The following DPY19L2 variants were observed in gnomAD, a reference collection of about 807,000 sequenced individuals.
DPY19L2 encodes dpy-19 like 2, also known as probable C-mannosyltransferase DPY19L2.
In DPY19L2, 34 loss-of-function variants were observed where a neutral mutation model predicts 97.9. The ratio of observed to expected loss-of-function variants is 0.35; its 90% CI spans 0.26 to 0.46. DPY19L2 has a LOEUF of 0.46. Among genes scored for constraint, DPY19L2 ranks in the 20% least tolerant of loss-of-function variants. The pLI, the probability that DPY19L2 is intolerant of heterozygous loss-of-function variation, is 1.00. For missense variants in DPY19L2, 623 were observed against 911.4 expected (o/e 0.68, Z 4.07); for synonymous variants, 230 against 307.9 (o/e 0.75, Z 2.65).
chr12:63,666,524 C>G (rs1896357533), intron 1 of DPY19L2: 1 of 446,618 alleles, frequency 2.2e-6, no homozygotes, highest in Non-Finnish European at 4.5e-6. Flanking sequence ...CAAACGCAGC[C>G]TGTGCCCGTT....
rs1462065981 is a variant in DPY19L2, at chr12:63,560,355, T to C, written c.*157A>G. ...TGACATTCAATGAACAGAAAAGTAA[T>C]TTACCTTTTAGTAATCAGAAAAATT... is the stretch of plus-strand genomic sequence containing the variant. On this transcript the variant is annotated 3_prime_UTR_variant, in exon 22 of 22. Coordinates refer to ENST00000324472, the MANE Select transcript of DPY19L2 (RefSeq NM_173812.5). 1 of 880,422 alleles carries C rather than the reference T, an allele frequency of 1.1e-6. No homozygotes were observed. Among genetic ancestry groups the C allele is most frequent in the Non-Finnish European group, 1.6e-6 (1 of 613,280 alleles). 54.5% of individuals were successfully genotyped at this position (880,422 alleles called of 1,614,324 possible).
intron 21 of DPY19L2, among the ~76,000 whole-genome samples, chr12:63,565,295 C>T (rs1443010134): frequency 6.6e-6 from 1 of 152,070 alleles, no homozygotes; most frequent in African/African-American, 2.4e-5. Flanking sequence ...GTTTGGAGCT[C>T]GTAAGTCTAA....
rs371482861 is a variant in DPY19L2, at chr12:63,644,394, T to C, written c.803+9A>G. 181 of 1,601,888 alleles carry C rather than the reference T, an allele frequency of 1.1e-4. 2 individuals are homozygous for C. Among genetic ancestry groups the C allele is most frequent in the Non-Finnish European group, 1.4e-4 (170 of 1,176,508 alleles). On this transcript the variant is annotated intron_variant, in intron 6 of 21. Transcript: ENST00000324472. ...ACTGAAAGGTCTCTTAATTCAGTAGTAGTCTTACCTCAGGTATGCTCCATA... is the reference window on the plus strand; with the variant it reads ...ACTGAAAGGTCTCTTAATTCAGTAGCAGTCTTACCTCAGGTATGCTCCATA...
At chr12:63,598,503 A>C in intron 13 of DPY19L2, among the ~76,000 whole-genome samples, 1 of 152,116 alleles carries the variant, frequency 6.6e-6, no homozygotes, top group East Asian at 1.9e-4. Flanking sequence ...AACCAAACCC[A>C]ATGCAGAACT....
chr12:63,633,578 G>A (rs1042550744), intron 6 of DPY19L2, among the ~76,000 whole-genome samples: 17 of 152,152 alleles, frequency 1.1e-4, no homozygotes, highest in Admixed American at 1.1e-3. Flanking sequence ...GTGCTGGAGA[G>A]GATGTGGAGA....
chr12:63,620,400 T>C (rs1888497820), intron 9 of DPY19L2, among the ~76,000 whole-genome samples: 1 of 152,128 alleles, frequency 6.6e-6, no homozygotes, highest in Non-Finnish European at 1.5e-5. Flanking sequence ...GCATGCTGTG[T>C]AGCTTGGCAC....
At chr12:63,589,000 A>C (rs372694999) in intron 16 of DPY19L2, among the ~76,000 whole-genome samples, 1 of 151,802 alleles carries the variant, frequency 6.6e-6, no homozygotes, top group Non-Finnish European at 1.5e-5. Context: ...TGATCCGCCC[A>C]CCTTGGCCTC....
chr12:63,638,969 G>A (rs2138062377), intron 6 of DPY19L2, among the ~76,000 whole-genome samples: 1 of 152,238 alleles, frequency 6.6e-6, no homozygotes, highest in South Asian at 2.1e-4. Context: ...CAAGGCTACA[G>A]TAACCAAAAC....
intron 16 of DPY19L2, among the ~76,000 whole-genome samples, chr12:63,587,557 AATTATTATT>A (rs201195590): frequency 1.8e-4 from 24 of 136,228 alleles, no homozygotes; most frequent in East Asian, 1.3e-3. Context: ...CATTTTTAAA[AATTATTATT>A]ATTATTATTA....
In DPY19L2 at chr12:63,573,020, T is replaced by C. The variant is rs2942681; in HGVS notation, c.1901-2163A>G. Among the ~76,000 whole-genome samples the C allele has an allele frequency of 2.6e-5, 4 of 152,022 alleles. No individual in the cohort carries two copies. In the East Asian group the frequency reaches 7.8e-4, roughly 30 times the overall value. On this transcript the variant is annotated intron_variant, in intron 19 of 21. Coordinates refer to ENST00000324472, the MANE Select transcript of DPY19L2 (RefSeq NM_173812.5). ...GACTGCAAAAACTATAATAAATACC[T>C]AACTCTTCAATGCCCAGACACCGAC...
chr12:63,643,880 A>G lies in DPY19L2; in HGVS notation c.803+523T>C, dbSNP rs189119764. On this transcript the variant is annotated intron_variant, in intron 6 of 21. Transcript: ENST00000324472. ...AAAAACTAGCTGATATGGCTATCTC[A>G]GGGAGCAATTAAGTGTGGGGGCAAA... Among the ~76,000 whole-genome samples the G allele has an allele frequency of 2.4e-3, 362 of 152,266 alleles. 2 individuals are homozygous for G. The highest frequency in any genetic ancestry group is 8.4e-3 in the African/African-American group (350 of 41,562).
At position 63,668,132 on chromosome 12, in the gene DPY19L2, A is replaced by G. The variant is rs1374113196; in HGVS notation, c.262T>C (p.Ser88Pro). ...LLGPFQFVRNSLAQLREKVQE... is the reference protein window; with the variant it reads ...LLGPFQFVRNPLAQLREKVQE... ...ACCTTTTCCCGGAGCTGCGCCAGGG[A>G]ATTACGGACGAACTGGAAGGGGCCG... Residue 88 changes from serine (S) to proline (P), a missense_variant, in exon 1 of 22, where the codon TCC becomes CCC. Around this residue, in one of 6 missense-constraint regions of DPY19L2, gnomAD observed 144 missense variants for 119.4 expected, o/e 1.21. Transcript: ENST00000324472. 1 of 1,613,996 alleles carries G rather than the reference A, an allele frequency of 6.2e-7. No individual in the cohort carries two copies. The highest frequency in any genetic ancestry group is 1.7e-5 in the Admixed American group (1 of 60,012).
At chr12:63,573,755 C>T (rs1879317153) in intron 19 of DPY19L2, among the ~76,000 whole-genome samples, 1 of 152,168 alleles carries the variant, frequency 6.6e-6, no homozygotes, top group Admixed American at 6.5e-5. Context: ...CAGTGGAAAC[C>T]TTACAGGCCA....
rs1243932079 is a variant in DPY19L2 at position 63,663,767 on chromosome 12, G to A, written c.441C>T (p.Arg147=). The A allele has an allele frequency of 1.2e-6, 2 of 1,602,512 alleles. No homozygotes were observed. Among genetic ancestry groups the A allele is most frequent in the Admixed American group, 3.5e-5 (2 of 56,980 alleles). Residue 147 remains arginine (R), a synonymous_variant, in exon 3 of 22, where the codon CGC becomes CGT. Coordinates refer to ENST00000324472, the MANE Select transcript of DPY19L2 (RefSeq NM_173812.5). ...LSSLEREMTF[R]TEMGLYYSYF... ...GAAGAAGAAACCTAACCATTTCAGTGCGAAAAGTCATCTCCCGTTCCAAAG... is the reference window on the plus strand; with the variant it reads ...GAAGAAGAAACCTAACCATTTCAGTACGAAAAGTCATCTCCCGTTCCAAAG...
Position 63,631,330 on chromosome 12 carries a change from G to C in DPY19L2, c.804-4804C>G, listed in dbSNP as rs561232583. On this transcript the variant is annotated intron_variant, in intron 6 of 21. Coordinates refer to ENST00000324472, the MANE Select transcript of DPY19L2 (RefSeq NM_173812.5). The stretch of plus-strand genomic sequence containing the variant: ...ACTGATACACCGCTAGCAAGACAAA[G>C]AAGAAAAGAGAGAAGAATCAAATAG... Among the ~76,000 whole-genome samples, 6 of 151,756 alleles carry C rather than the reference G, an allele frequency of 4.0e-5. No individual in the cohort carries two copies. The South Asian group carries it at 1.0e-3, about 26-fold the overall frequency.
At chr12:63,622,159 T>G (rs548449607) in intron 8 of DPY19L2, among the ~76,000 whole-genome samples, 1 of 152,280 alleles carries the variant, frequency 6.6e-6, no homozygotes, top group South Asian at 2.1e-4. Flanking sequence ...TACTTTTGAC[T>G]AAGACACAGA....
intron 4 of DPY19L2, among the ~76,000 whole-genome samples, chr12:63,659,343 G>A (rs1264825098): frequency 6.6e-6 from 1 of 152,002 alleles, no homozygotes; most frequent in East Asian, 1.9e-4. Context: ...ACATTGCTGA[G>A]ACAAACTAAA....
intron 6 of DPY19L2, among the ~76,000 whole-genome samples, chr12:63,635,271 T>C (rs1891446650): frequency 1.3e-5 from 2 of 151,264 alleles, no homozygotes; most frequent in East Asian, 2.0e-4. Context: ...CACACCAAAA[T>C]CCCATCTATA....
intron 19 of DPY19L2, among the ~76,000 whole-genome samples, chr12:63,574,531 C>T (rs188360993): frequency 3.3e-5 from 5 of 151,814 alleles, no homozygotes. Flanking sequence ...AATAATAAAA[C>T]AAAACACTAA....
Sources: allele counts gnomAD v4.1 joint callset (sites outside exome capture counted in the v4.1 genomes callset), GRCh38; gene constraint gnomAD v4.1.1; regional missense constraint gnomAD v4.1.1; transcripts MANE v1.5; gene names NCBI Gene and HGNC (gene_info 2026-07-23, HGNC 2026-07-21).